Variants in KAZN observed in about 807,000 individuals in gnomAD.
KAZN encodes the protein kazrin, periplakin interacting protein, also known as kazrin.
In KAZN, 40 loss-of-function variants were observed where a neutral mutation model predicts 87.4. The ratio of observed to expected loss-of-function variants is 0.46; its 90% CI spans 0.36 to 0.60. The LOEUF (loss-of-function observed/expected upper bound fraction) is 0.60. Among genes scored for constraint, KAZN ranks in the 20% least tolerant of loss-of-function variants. The pLI, the probability that KAZN is intolerant of heterozygous loss-of-function variation, is 0.00. For missense variants in KAZN, 898 were observed against 1,073.9 expected, an observed-to-expected ratio of 0.84 and a Z score of 2.29; for synonymous variants, 466 against 458.3, an observed-to-expected ratio of 1.02 and a Z score of -0.22.
At position 14,954,343 on chromosome 1, in the gene KAZN, A is replaced by G. The variant is rs374847736; in HGVS notation, c.227-6341A>G. 8.5e-5 allele frequency among the ~76,000 whole-genome samples: 13 copies of G among 152,364 alleles called. No homozygotes were observed. The South Asian group carries it at 2.7e-3, about 32-fold the overall frequency. Reference sequence around the variant, plus strand: ...AGGTACCCAATCAGTCTTTGGGCAAAGGCCAGGAGAGTTTTTTGTCCTTGG... The same window carrying G: ...AGGTACCCAATCAGTCTTTGGGCAAGGGCCAGGAGAGTTTTTTGTCCTTGG... On this transcript the variant is annotated intron_variant, in intron 1 of 14. Transcript: ENST00000376030.
At chr1:14,867,724 A>ACCCCCCCCCC (rs1553148134) in intron 1 of KAZN, among the ~76,000 whole-genome samples, 45 of 107,456 alleles carry the variant, frequency 4.2e-4, no homozygotes, top group Non-Finnish European at 5.6e-4. Context: ...CTTTGAAGAC[A>ACCCCCCCCCC]CCCCCCCCCC....
chr1:14,847,576 G>T (rs1055171683), intron 1 of KAZN, among the ~76,000 whole-genome samples: 1 of 152,122 alleles, frequency 6.6e-6, no homozygotes, highest in African/African-American at 2.4e-5. Context: ...GAGAATTTGG[G>T]AGCACACTAC....
chr1:14,616,284 G>A (rs1053415646), intron 1 of KAZN, among the ~76,000 whole-genome samples: 1 of 152,126 alleles, frequency 6.6e-6, no homozygotes, highest in Non-Finnish European at 1.5e-5. Context: ...TCCTCATGCG[G>A]TGTCCCAGCT....
intron 2 of KAZN, among the ~76,000 whole-genome samples, chr1:14,965,740 C>G (rs78565745): frequency 0.031 from 4,732 of 152,090 alleles, 240 homozygotes; most frequent in African/African-American, 0.11. Context: ...GTATGTAAAT[C>G]TGTTTATTTT....
chr1:14,927,822 T>G (rs1386104831), intron 1 of KAZN, among the ~76,000 whole-genome samples: 1 of 152,196 alleles, frequency 6.6e-6, no homozygotes, highest in African/African-American at 2.4e-5. Context: ...TGGGTTCTTA[T>G]CACTTCTTGC....
At chr1:14,425,864 T>C (rs1040633700) in intron 2 of KAZN, among the ~76,000 whole-genome samples, 9 of 152,118 alleles carry the variant, frequency 5.9e-5, no homozygotes, top group Admixed American at 1.3e-4. Context: ...GAGATTTGAG[T>C]CCAAGTTTGT....
chr1:14,698,507 C>G (rs1641742364), intron 1 of KAZN, among the ~76,000 whole-genome samples: 1 of 152,204 alleles, frequency 6.6e-6, no homozygotes, highest in South Asian at 2.1e-4. Flanking sequence ...ATTCCACTGC[C>G]CCTCCCATGT....
chr1:14,415,988 A>G (rs1309889875), intron 2 of KAZN, among the ~76,000 whole-genome samples: 1 of 152,172 alleles, frequency 6.6e-6, no homozygotes, highest in African/African-American at 2.4e-5. Flanking sequence ...GAATGGGGAG[A>G]CACCACATGC....
intron 2 of KAZN, among the ~76,000 whole-genome samples, chr1:14,189,107 G>A (rs1379845555): frequency 3.3e-5 from 5 of 152,078 alleles, no homozygotes; most frequent in African/African-American, 1.2e-4. Context: ...GTGCCAACTC[G>A]AGCCAATAGC....
intron 1 of KAZN, among the ~76,000 whole-genome samples, chr1:14,135,217 C>T (rs939463146): frequency 6.6e-6 from 1 of 152,236 alleles, no homozygotes; most frequent in African/African-American, 2.4e-5. Flanking sequence ...TCACAGCACC[C>T]TGTGAGGAGG....
At chr1:14,731,076 T>G (rs146833057) in intron 1 of KAZN, among the ~76,000 whole-genome samples, 1 of 152,210 alleles carries the variant, frequency 6.6e-6, no homozygotes, top group East Asian at 1.9e-4. Flanking sequence ...TTCTTAACAA[T>G]TTCACTTACA....
intron 2 of KAZN, among the ~76,000 whole-genome samples, chr1:14,221,661 C>A (rs1647101041): frequency 6.6e-6 from 1 of 152,094 alleles, no homozygotes; most frequent in Admixed American, 6.5e-5. Flanking sequence ...ACAGCTATAC[C>A]AACAAGGCTA....
chr1:14,354,305 A>G (rs1399175466), intron 2 of KAZN, among the ~76,000 whole-genome samples: 1 of 152,222 alleles, frequency 6.6e-6, no homozygotes, highest in Non-Finnish European at 1.5e-5. Flanking sequence ...AAGGATGAAA[A>G]AAAGAAATGG....
At chr1:14,727,450 CTTTTTTTTTTTTTT>C (rs57203868) in intron 1 of KAZN, among the ~76,000 whole-genome samples, 20,721 of 73,992 alleles carry the variant, frequency 0.28, 3,493 homozygotes, top group South Asian at 0.43. Flanking sequence ...TGTGCACTTT[CTTTTTTTTTTTTTT>C]TTTTTTTTTT....
At chr1:15,093,179 C>T (rs1573290804) in intron 8 of KAZN, among the ~76,000 whole-genome samples, 1 of 152,158 alleles carries the variant, frequency 6.6e-6, no homozygotes, top group Non-Finnish European at 1.5e-5. Context: ...GGAGATGGAA[C>T]AGTCTCCTCC....
intron 1 of KAZN, among the ~76,000 whole-genome samples, chr1:14,063,768 T>C (rs1490976853): frequency 6.6e-6 from 1 of 152,158 alleles, no homozygotes; most frequent in Non-Finnish European, 1.5e-5. Flanking sequence ...GGGGTAAGTT[T>C]TCCCCATACT....
chr1:14,290,570 C>T, intron 2 of KAZN, among the ~76,000 whole-genome samples: 1 of 152,150 alleles, frequency 6.6e-6, no homozygotes, highest in East Asian at 1.9e-4. Context: ...TCTAGTTAGC[C>T]ATTTATCTAA....
At chr1:14,000,560 A>G (rs1364439079) in intron 1 of KAZN, among the ~76,000 whole-genome samples, 1 of 152,214 alleles carries the variant, frequency 6.6e-6, no homozygotes, top group African/African-American at 2.4e-5. Flanking sequence ...TCAAAATAAT[A>G]AGAGCTATTT....
intron 1 of KAZN, among the ~76,000 whole-genome samples, chr1:14,137,178 C>A (rs1645125775): frequency 6.6e-6 from 1 of 152,142 alleles, no homozygotes; most frequent in Non-Finnish European, 1.5e-5. Flanking sequence ...GGAGTCCAGC[C>A]CAGTCCTTAG....
Sources: gnomAD v4.1 joint callset for allele counts (sites outside exome capture counted in the v4.1 genomes callset) on GRCh38, gnomAD v4.1.1 for gene constraint, MANE v1.5 for transcripts, NCBI Gene and HGNC (gene_info 2026-07-23, HGNC 2026-07-21) for gene names.